PVT1: variants seen among roughly 807,000 people sequenced by gnomAD.
PVT1 encodes the protein Pvt1 oncogene.
intron 4 of PVT1, among the ~76,000 whole-genome samples, chr8:128,028,446 C>T (rs1196171966): frequency 1.3e-5 from 2 of 152,244 alleles, no homozygotes; most frequent in African/African-American, 4.8e-5. Flanking sequence ...CATCCCACAG[C>T]CTCTGTCTCC....
chr8:127,867,445 G>A (rs1450974312), intron 2 of PVT1, among the ~76,000 whole-genome samples: 2 of 152,192 alleles, frequency 1.3e-5, no homozygotes, highest in African/African-American at 4.8e-5. Context: ...GCAGTATCCC[G>A]GGCTTGGCCA....
At chr8:127,838,333 C>G (rs1018281500) in intron 2 of PVT1, among the ~76,000 whole-genome samples, 2 of 152,140 alleles carry the variant, frequency 1.3e-5, no homozygotes, top group African/African-American at 4.8e-5. Context: ...GTAATGGAAC[C>G]TGTGCTCAGA....
intron 2 of PVT1, among the ~76,000 whole-genome samples, chr8:127,858,407 AAAATAAATAAATAAAT>A (rs374974740): frequency 1.9e-4 from 27 of 141,794 alleles, no homozygotes; most frequent in Admixed American, 4.9e-4. Context: ...ACTCTGTCTC[AAAATAAATAAATAAAT>A]AAATAAATAA....
intron 4 of PVT1, among the ~76,000 whole-genome samples, chr8:128,031,868 G>A (rs548954306): frequency 1.0e-3 from 158 of 152,216 alleles, no homozygotes; most frequent in African/African-American, 3.6e-3. Flanking sequence ...GTTTGAACCC[G>A]GGGCTCTGGT....
rs952291720 is a variant in PVT1 at position 127,964,849 on chromosome 8, T to C, written n.783-24313T>C. On this transcript the variant is annotated intron_variant and non_coding_transcript_variant, in intron 3 of 10. Transcript: ENST00000651587. ...TTATTTTATTGATTTATTTTAAGAA[T>C]GGGGTTTTACCATGTTCCCCTTGCA... is the stretch of plus-strand genomic sequence containing the variant. Among the ~76,000 whole-genome samples the C allele has an allele frequency of 5.4e-5, 8 of 147,124 alleles. No individual in the cohort carries two copies. The Admixed American group carries it at 5.5e-4, about 10-fold the overall frequency.
intron 5 of PVT1, among the ~76,000 whole-genome samples, chr8:128,088,354 G>A (rs1003492551): frequency 6.6e-6 from 1 of 152,110 alleles, no homozygotes; most frequent in Non-Finnish European, 1.5e-5. Context: ...ACACACTCAG[G>A]GCTTCAGCAA....
intron 3 of PVT1, among the ~76,000 whole-genome samples, chr8:127,970,990 A>G (rs768769868): frequency 2.8e-4 from 43 of 152,340 alleles, no homozygotes; most frequent in Non-Finnish European, 4.4e-4. Flanking sequence ...AGCCATGTCA[A>G]TTCTTCTATG....
intron 2 of PVT1, among the ~76,000 whole-genome samples, chr8:127,884,812 C>T (rs757836532): frequency 5.3e-5 from 8 of 152,294 alleles, no homozygotes; most frequent in East Asian, 1.9e-4. Flanking sequence ...AGGCGGAGGG[C>T]GAGGTGCAGC....
At chr8:127,991,302 C>T (rs974080406) in intron 4 of PVT1, among the ~76,000 whole-genome samples, 1 of 152,062 alleles carries the variant, frequency 6.6e-6, no homozygotes, top group African/African-American at 2.4e-5. Context: ...ACCACCACGC[C>T]TGGCTACTTT....
At chr8:127,928,729 A>G (rs1272015029) in intron 3 of PVT1, among the ~76,000 whole-genome samples, 1 of 152,144 alleles carries the variant, frequency 6.6e-6, no homozygotes, top group African/African-American at 2.4e-5. Context: ...TCCCTTTGAA[A>G]GGGACACAGT....
chr8:127,879,634 C>A (rs1387370423), intron 2 of PVT1, among the ~76,000 whole-genome samples: 2 of 152,222 alleles, frequency 1.3e-5, no homozygotes, highest in Non-Finnish European at 2.9e-5. Flanking sequence ...TCCTGCATGG[C>A]TTGGGCATAC....
intron 3 of PVT1, among the ~76,000 whole-genome samples, chr8:127,929,795 T>A (rs1586440999): frequency 6.6e-6 from 1 of 150,482 alleles, no homozygotes; most frequent in Non-Finnish European, 1.5e-5. Flanking sequence ...GTCAAGGTCA[T>A]GAGTGTCAGG....
chr8:127,796,623 C>G (rs1273601018), intron 2 of PVT1, among the ~76,000 whole-genome samples: 1 of 152,120 alleles, frequency 6.6e-6, no homozygotes, highest in Non-Finnish European at 1.5e-5. Flanking sequence ...TATAAGACAC[C>G]CTGTTCTTTC....
chr8:127,897,870 GGAAA>G (rs139029855), intron 3 of PVT1, among the ~76,000 whole-genome samples: 74,383 of 131,734 alleles, frequency 0.56, 21,828 homozygotes, highest in Middle Eastern at 0.7. Flanking sequence ...AAGGAAGAAA[GGAAA>G]GAAAGAAAGA....
At chr8:127,885,131 TC>T (rs1014253258) in intron 2 of PVT1, among the ~76,000 whole-genome samples, 1 of 150,770 alleles carries the variant, frequency 6.6e-6, no homozygotes, top group Admixed American at 6.6e-5. Flanking sequence ...GAGCAGTGCC[TC>T]TCCTGGGCTG....
At chr8:128,076,264 A>C (rs951586487) in intron 5 of PVT1, among the ~76,000 whole-genome samples, 4 of 152,124 alleles carry the variant, frequency 2.6e-5, no homozygotes, top group Non-Finnish European at 4.4e-5. Flanking sequence ...AGACTGAATA[A>C]CTGGGCCTAC....
At chr8:128,097,904 C>G (rs1293208221) in intron 6 of PVT1, among the ~76,000 whole-genome samples, 2 of 152,138 alleles carry the variant, frequency 1.3e-5, no homozygotes, top group African/African-American at 2.4e-5. Context: ...CAGCCTGCCC[C>G]CAGCCAGCTC....
At chr8:127,917,464 A>G (rs1445624589) in intron 3 of PVT1, among the ~76,000 whole-genome samples, 1 of 152,206 alleles carries the variant, frequency 6.6e-6, no homozygotes, top group Non-Finnish European at 1.5e-5. Flanking sequence ...TATAGCCTGG[A>G]TCCTGTGATG....
At chr8:128,083,728 G>C (rs79454590) in intron 5 of PVT1, among the ~76,000 whole-genome samples, 2,374 of 152,288 alleles carry the variant, frequency 0.016, 35 homozygotes, top group African/African-American at 0.031. Flanking sequence ...GAGTGAGAGT[G>C]AGAAGGGAGG....
Sources: allele counts gnomAD v4.1 joint callset (sites outside exome capture counted in the v4.1 genomes callset), GRCh38; gene constraint gnomAD v4.1.1; transcripts MANE v1.5; gene names NCBI Gene and HGNC (gene_info 2026-07-23, HGNC 2026-07-21).